Variants in NOMO1 observed in about 807,000 individuals in gnomAD.
NOMO1 encodes the protein NODAL modulator 1.
In NOMO1, 40 loss-of-function variants were observed where a neutral mutation model predicts 133.8. The observed-to-expected ratio is 0.30, with a 90% CI of 0.23 to 0.39. The LOEUF (loss-of-function observed/expected upper bound fraction) is 0.39. Ranked by LOEUF, NOMO1 falls within the 10% of genes least tolerant of loss-of-function variation. The probability of loss-of-function intolerance (pLI) is 1.00; values close to 1 mark genes in which losing one functional copy is unlikely to be tolerated. For synonymous variants in NOMO1, 236 were observed against 570.5 expected, an observed-to-expected ratio of 0.41 and a Z score of 8.36; for missense variants, 462 against 1,419.9, an observed-to-expected ratio of 0.33 and a Z score of 10.84.
chr16:14,837,120 C>T (rs1963528217), intron 1 of NOMO1, among the ~76,000 whole-genome samples: 1 of 151,946 alleles, frequency 6.6e-6, no homozygotes, highest in Non-Finnish European at 1.5e-5. Context: ...TGGCCTCAAG[C>T]AGTCCTCCTG....
intron 9 of NOMO1, among the ~76,000 whole-genome samples, chr16:14,855,690 A>G (rs1963823888): frequency 6.6e-6 from 1 of 152,052 alleles, no homozygotes; most frequent in South Asian, 2.1e-4. Context: ...GTGAGCAGAG[A>G]CAGCTATTCC....
chr16:14,851,115 A>G lies in NOMO1; in HGVS notation c.583-1315A>G, dbSNP rs1221150333. On this transcript the variant is annotated intron_variant, in intron 6 of 30. Transcript: ENST00000287667. Reference sequence around the variant, plus strand: ...AAAAAAAAAAAATTTATTCGAAATGAAAGAGCTTACACATTTATAAATAGA... The same window carrying G: ...AAAAAAAAAAAATTTATTCGAAATGGAAGAGCTTACACATTTATAAATAGA... 5.3e-5 allele frequency among the ~76,000 whole-genome samples: 8 copies of G among 149,776 alleles called. 1 individual carries two copies. The highest frequency in any genetic ancestry group is 2.0e-4 in the African/African-American group (8 of 40,610).
Position 14,876,440 on chromosome 16 carries a change from G to T in NOMO1, c.2438G>T (p.Gly813Val), listed in dbSNP as rs781332825. ...LEGQIHPELEGVEIVISEKGA... is the reference protein window; with the variant it reads ...LEGQIHPELEVVEIVISEKGA... ...GGCCAGATCCACCCCGAGTTGGAAG[G>T]AGTCGAGATTGTCATCAGTGAAAAG... Residue 813 changes from glycine to valine, a missense_variant, in exon 21 of 31, where the codon GGA becomes GTA. Coordinates refer to ENST00000287667, the MANE Select transcript of NOMO1 (RefSeq NM_014287.4). 1.2e-6 allele frequency: 2 copies of T among 1,611,368 alleles called. No homozygotes were observed. The highest frequency in any genetic ancestry group is 1.7e-5 in the Admixed American group (1 of 59,968).
intron 29 of NOMO1, among the ~76,000 whole-genome samples, chr16:14,890,453 G>GT (rs1333674295): frequency 2.0e-5 from 3 of 151,152 alleles, no homozygotes; most frequent in African/African-American, 4.9e-5. Flanking sequence ...AAATGTAACT[G>GT]TAAGTGGAAC....
At position 14,833,819 on chromosome 16, in the gene NOMO1, C is replaced by G. The variant is rs1963461244; in HGVS notation, c.-33C>G. 2 of 448,658 alleles carry G rather than the reference C, an allele frequency of 4.5e-6. No homozygotes were observed. The highest frequency in any genetic ancestry group is 7.6e-5 in the East Asian group (2 of 26,196). The allele number at this position is 448,658 out of a possible 1,614,324, so 27.8% of individuals were successfully genotyped here. A position where few individuals can be genotyped will look rare whatever the true frequency, so the allele number is the denominator to read the frequency against. On this transcript the variant is annotated 5_prime_UTR_variant, in exon 1 of 31. Coordinates refer to ENST00000287667, the MANE Select transcript of NOMO1 (RefSeq NM_014287.4). Reference sequence around the variant, plus strand: ...CAGTGTGAGGGGCGGGACCCGGCTGCCGGCGGTGGGTCTAGCTGGGGGAGG... The same window carrying G: ...CAGTGTGAGGGGCGGGACCCGGCTGGCGGCGGTGGGTCTAGCTGGGGGAGG...
Position 14,871,700 on chromosome 16 carries a change from G to T in NOMO1, c.1958+16G>T. On this transcript the variant is annotated intron_variant, in intron 17 of 30. Transcript: ENST00000287667. ...CCTATGACACGTAAGCCTGGGAATTGAATGCTTTGTGGTGTTTGTATACAT... is the reference window on the plus strand; with the variant it reads ...CCTATGACACGTAAGCCTGGGAATTTAATGCTTTGTGGTGTTTGTATACAT... 6.3e-7 allele frequency: 1 copy of T among 1,594,618 alleles called. No individual in the cohort carries two copies. Among genetic ancestry groups the T allele is most frequent in the Middle Eastern group, 2.3e-4 (1 of 4,390 alleles).
rs1412133013 is a variant in NOMO1 at position 14,833,895 on chromosome 16, T to C, written c.44T>C (p.Val15Ala). 1 of 763,384 alleles carries C rather than the reference T, an allele frequency of 1.3e-6. No individual in the cohort carries two copies. Among genetic ancestry groups the C allele is most frequent in the African/African-American group, 2.1e-5 (1 of 48,548 alleles). The allele number at this position is 763,384 out of a possible 1,614,324, so 47.3% of individuals were successfully genotyped here. The change falls in exon 1 of 31, where the codon GTC becomes GCC. Residue 15 changes from valine to alanine, a missense_variant. By Grantham distance (64) the Val-to-Ala change is moderately conservative. Transcript: ENST00000287667. ...QGAGPLGPAV[V>A]TAAVVLLLSG... ...GCGGGGCCGCTGGGGCCCGCGGTGG[T>C]CACCGCCGCGGTGGTGCTGCTGCTG...
intron 2 of NOMO1, among the ~76,000 whole-genome samples, chr16:14,839,431 T>C (rs1336613857): frequency 1.3e-5 from 2 of 152,098 alleles, no homozygotes; most frequent in Non-Finnish European, 2.9e-5. Context: ...CGGGTACACA[T>C]GCATATGTAT....
In NOMO1 at chr16:14,886,919, A is replaced by C. The variant is rs1964333643; in HGVS notation, c.3324+57A>C. 4 of 1,437,524 alleles carry C rather than the reference A, an allele frequency of 2.8e-6. No homozygotes were observed. The Admixed American group carries it at 6.9e-5, about 25-fold the overall frequency. 89.0% of individuals were successfully genotyped at this position (1,437,524 alleles called of 1,614,324 possible). A position where few individuals can be genotyped will look rare whatever the true frequency, so the allele number is the denominator to read the frequency against. On this transcript the variant is annotated intron_variant, in intron 28 of 30. Coordinates refer to ENST00000287667, the MANE Select transcript of NOMO1 (RefSeq NM_014287.4). Reference sequence around the variant, plus strand: ...CTTTGTTTTAATAATTCTGCTGTTTAGTTTAAGGAAGCACAGTTCTCTCCT... The same window carrying C: ...CTTTGTTTTAATAATTCTGCTGTTTCGTTTAAGGAAGCACAGTTCTCTCCT...
intron 26 of NOMO1, 105 bp downstream of exon 26, chr16:14,882,782 C>A (rs1964264051): frequency 6.3e-7 from 1 of 1,578,622 alleles, no homozygotes; most frequent in Non-Finnish European, 8.6e-7. Flanking sequence ...GCGGGGGGAA[C>A]TTTCATCCTA....
Position 14,868,556 on chromosome 16 carries a change from T to C in NOMO1, c.1815T>C (p.Tyr605=), listed in dbSNP as rs773442648. The change falls in exon 16 of 31, where the codon TAT becomes TAC. Residue 605 remains tyrosine, a synonymous_variant. Coordinates refer to ENST00000287667, the MANE Select transcript of NOMO1 (RefSeq NM_014287.4). The part of the protein sequence containing the change: ...SLSHAITLEF[Y]QDGNGRENVG... Reference sequence around the variant, plus strand: ...TGGCTTTGCTTCCTTAGGAATTTTATCAGGATGGAAATGGGCGTGAGAATG... The same window carrying C: ...TGGCTTTGCTTCCTTAGGAATTTTACCAGGATGGAAATGGGCGTGAGAATG... The C allele has an allele frequency of 6.2e-7, 1 of 1,611,744 alleles. No homozygotes were observed. Among genetic ancestry groups the C allele is most frequent in the Non-Finnish European group, 8.5e-7 (1 of 1,179,728 alleles).
At chr16:14,836,544 A>G (rs1425752649) in intron 1 of NOMO1, among the ~76,000 whole-genome samples, 2 of 151,896 alleles carry the variant, frequency 1.3e-5, no homozygotes, top group East Asian at 3.9e-4. Flanking sequence ...TTTTACAGAC[A>G]TGGAAACTGA....
At chr16:14,859,861 G>A (rs1274126337) in intron 11 of NOMO1, among the ~76,000 whole-genome samples, 1 of 152,086 alleles carries the variant, frequency 6.6e-6, no homozygotes, top group Non-Finnish European at 1.5e-5. Context: ...GGCTCTCTGG[G>A]TTGCAGAGAC....
intron 5 of NOMO1, among the ~76,000 whole-genome samples, chr16:14,848,033 A>C (rs1329443304): frequency 6.6e-6 from 1 of 152,010 alleles, no homozygotes; most frequent in South Asian, 2.1e-4. Context: ...GGCTATTATG[A>C]AAATGAAATA....
chr16:14,860,977 C>T (rs1963916266), intron 11 of NOMO1, among the ~76,000 whole-genome samples: 1 of 145,672 alleles, frequency 6.9e-6, no homozygotes, highest in Non-Finnish European at 1.5e-5. Flanking sequence ...GCCCCAGCCT[C>T]CTGAGTAGCT....
chr16:14,864,817 T>C, intron 13 of NOMO1, 91 bp downstream of exon 13: 2 of 1,606,244 alleles, frequency 1.2e-6, no homozygotes, highest in South Asian at 1.1e-5. Context: ...TTGCCTTTGT[T>C]GTTTGCTACT....
In NOMO1 at chr16:14,884,438, A is replaced by T; in HGVS notation, c.3178A>T (p.Ser1060Cys). The change falls in exon 27 of 31, where the codon AGT becomes TGT. Residue 1060 changes from serine to cysteine, a missense_variant. Physicochemically the swap from Ser to Cys is moderately radical, Grantham distance 112 (BLOSUM62 -1). Transcript: ENST00000287667. ...VFRQINQFDL[S>C]GNVITSSEYL... ...CCGGCAGATTAATCAATTTGATTTA[A>T]GTGGAAATGTGATCACTTCCTCTGA... is the stretch of plus-strand genomic sequence containing the variant. 6.2e-7 allele frequency: 1 copy of T among 1,611,510 alleles called. No individual in the cohort carries two copies. The highest frequency in any genetic ancestry group is 8.5e-7 in the Non-Finnish European group (1 of 1,179,724).
intron 4 of NOMO1, among the ~76,000 whole-genome samples, chr16:14,845,496 T>G (rs1963666474): frequency 6.6e-6 from 1 of 152,020 alleles, no homozygotes; most frequent in Non-Finnish European, 1.5e-5. Context: ...CCTAGGAGGA[T>G]TCCTATTATT....
chr16:14,895,307 GACA>G (rs1366329619), intron 30 of NOMO1, among the ~76,000 whole-genome samples: 4 of 145,868 alleles, frequency 2.7e-5, no homozygotes, highest in Non-Finnish European at 5.9e-5. Flanking sequence ...CACCTCTAGG[GACA>G]TATTAGGCCC....
Sources: allele counts gnomAD v4.1 joint callset (sites outside exome capture counted in the v4.1 genomes callset), GRCh38; gene constraint gnomAD v4.1.1; transcripts MANE v1.5; gene names NCBI Gene and HGNC (gene_info 2026-07-23, HGNC 2026-07-21).